ACVR1: variants seen among roughly 807,000 people sequenced by gnomAD.
ACVR1 encodes the protein activin A receptor type 1.
Under a neutral mutation model 57.1 loss-of-function variants are expected in ACVR1, and 38 were observed. The observed-to-expected ratio is 0.67, with a 90% confidence interval of 0.51 to 0.87. ACVR1 has a LOEUF of 0.87. Ranked by LOEUF, ACVR1 falls within the 40% of genes least tolerant of loss-of-function variation. The pLI is 0.00. For missense variants in ACVR1, 463 were observed against 638.2 expected, an observed-to-expected ratio of 0.73 and a Z score of 2.96; for synonymous variants, 212 against 228.1, an observed-to-expected ratio of 0.93 and a Z score of 0.63.
At chr2:157,764,176 A>C (rs1223971826) in intron 8 of ACVR1, among the ~76,000 whole-genome samples, 1 of 151,782 alleles carries the variant, frequency 6.6e-6, no homozygotes, top group Non-Finnish European at 1.5e-5. Flanking sequence ...GTAATATATG[A>C]TCACACTATA....
chr2:157,861,103 A>G (rs1689701877), intron 1 of ACVR1, among the ~76,000 whole-genome samples: 1 of 152,222 alleles, frequency 6.6e-6, no homozygotes, highest in Admixed American at 6.5e-5. Flanking sequence ...ACTCAAGAAC[A>G]TCAGTTCCCT....
At chr2:157,859,805 T>G (rs550481036) in intron 1 of ACVR1, among the ~76,000 whole-genome samples, 3 of 152,164 alleles carry the variant, frequency 2.0e-5, no homozygotes, top group African/African-American at 2.4e-5. Context: ...GTGTGGAACA[T>G]GTACAACTGG....
chr2:157,786,883 C>G (rs1686732169), intron 3 of ACVR1, among the ~76,000 whole-genome samples: 1 of 152,076 alleles, frequency 6.6e-6, no homozygotes, highest in Non-Finnish European at 1.5e-5. Context: ...TTTCCCTGGT[C>G]TTTGCTGCCA....
intron 8 of ACVR1, among the ~76,000 whole-genome samples, 182 bp from the exon 9 acceptor site, chr2:157,761,259 G>A (rs1340942282): frequency 6.6e-6 from 1 of 152,158 alleles, no homozygotes; most frequent in African/African-American, 2.4e-5. Flanking sequence ...GAGCAGAAAA[G>A]GGACTAAATG....
At chr2:157,767,118 G>A (rs1050494619) in intron 7 of ACVR1, among the ~76,000 whole-genome samples, 4 of 151,766 alleles carry the variant, frequency 2.6e-5, no homozygotes, top group East Asian at 1.9e-4. Context: ...TGCAACCACC[G>A]CCTCCTGGGT....
rs191620793 is a variant in ACVR1 at position 157,750,406 on chromosome 2, A to G, written c.1264+10474T>C. Reference sequence around the variant, plus strand: ...CCGCCACAACCACTTGTGCCCAAGGACCAGTCTTCCTGGCATCCCTATCCC... The same window carrying G: ...CCGCCACAACCACTTGTGCCCAAGGGCCAGTCTTCCTGGCATCCCTATCCC... On this transcript the variant is annotated intron_variant, in intron 9 of 10. Transcript: ENST00000434821. 3.0e-4 allele frequency among the ~76,000 whole-genome samples: 46 copies of G among 152,346 alleles called. No individual in the cohort carries two copies. The East Asian group carries it at 8.3e-3, about 27-fold the overall frequency.
rs201453468 is a variant in ACVR1, at chr2:157,780,569, G to T, written c.99C>A (p.Tyr33Ter). 3.1e-6 allele frequency: 5 copies of T among 1,613,508 alleles called. No homozygotes were observed. The highest frequency in any genetic ancestry group is 1.3e-5 in the African/African-American group (1 of 74,714). Residue 33 changes from tyrosine to a stop codon, truncating the protein, a stop_gained, in exon 4 of 11, where the codon TAC becomes TAA. Transcript: ENST00000434821. LOFTEE classifies it high-confidence loss of function. ...DEKPKVNPKL[Y>*]MCVCEGLSCG... Reference sequence around the variant, plus strand: ...AGGAGAGACCTTCACACACACACATGTAGAGTTTGGGGTTGACCTTGGGCT... The same window carrying T: ...AGGAGAGACCTTCACACACACACATTTAGAGTTTGGGGTTGACCTTGGGCT...
At chr2:157,851,108 G>T (rs1689283887) in intron 1 of ACVR1, among the ~76,000 whole-genome samples, 1 of 152,086 alleles carries the variant, frequency 6.6e-6, no homozygotes, top group Non-Finnish European at 1.5e-5. Flanking sequence ...TCCCTAAAAT[G>T]ATAGAAATGG....
At chr2:157,774,665 G>A (rs1686209596) in intron 5 of ACVR1, among the ~76,000 whole-genome samples, 1 of 152,154 alleles carries the variant, frequency 6.6e-6, no homozygotes, top group Non-Finnish European at 1.5e-5. Flanking sequence ...CGCCTGGCCA[G>A]GAAAAGTTTT....
At chr2:157,862,397 T>C (rs1176333007) in intron 1 of ACVR1, among the ~76,000 whole-genome samples, 1 of 147,052 alleles carries the variant, frequency 6.8e-6, no homozygotes, top group African/African-American at 2.6e-5. Context: ...GACAGCATAC[T>C]AGGCACAGGA....
chr2:157,821,837 T>C (rs1688171502), intron 1 of ACVR1, among the ~76,000 whole-genome samples: 1 of 152,242 alleles, frequency 6.6e-6, no homozygotes, highest in Admixed American at 6.5e-5. Context: ...TACAGTTTTC[T>C]TCAATCCAGT....
At chr2:157,858,046 A>C (rs546780833) in intron 1 of ACVR1, among the ~76,000 whole-genome samples, 1 of 152,234 alleles carries the variant, frequency 6.6e-6, no homozygotes, top group African/African-American at 2.4e-5. Flanking sequence ...ACTTAAAAAA[A>C]AAAAAGTCAC....
chr2:157,855,292 GTGTGTGTGTGTGTGTGTA>G (rs1230620337), intron 1 of ACVR1, among the ~76,000 whole-genome samples: 1 of 81,574 alleles, frequency 1.2e-5, no homozygotes, highest in East Asian at 3.7e-4. Flanking sequence ...GTGTGTGTGT[GTGTGTGTGTGTGTGTGTA>G]TATATATATA....
At chr2:157,785,629 A>G (rs2105288122) in intron 3 of ACVR1, among the ~76,000 whole-genome samples, 1 of 152,352 alleles carries the variant, frequency 6.6e-6, no homozygotes, top group East Asian at 1.9e-4. Flanking sequence ...CTCTCATTAT[A>G]AAACACTCAT....
chr2:157,785,656 AT>A (rs1192620785), intron 3 of ACVR1, among the ~76,000 whole-genome samples: 2 of 152,038 alleles, frequency 1.3e-5, no homozygotes, highest in African/African-American at 4.8e-5. Context: ...AACTCAAATC[AT>A]TTTTTTTCCT....
chr2:157,811,001 G>A (rs938082053), intron 2 of ACVR1, among the ~76,000 whole-genome samples: 19 of 152,062 alleles, frequency 1.2e-4, no homozygotes, highest in South Asian at 8.3e-4. Context: ...GATCTGTGAC[G>A]AGGCCTAGGA....
intron 9 of ACVR1, among the ~76,000 whole-genome samples, chr2:157,756,625 A>T (rs1685434269): frequency 6.6e-6 from 1 of 152,088 alleles, no homozygotes; most frequent in South Asian, 2.1e-4. Flanking sequence ...TACTTGCGCA[A>T]GAATGGCCAT....
intron 9 of ACVR1, among the ~76,000 whole-genome samples, chr2:157,746,643 C>T (rs764967905): frequency 6.6e-6 from 1 of 152,260 alleles, no homozygotes; most frequent in African/African-American, 2.4e-5. Context: ...CATTTTCTTA[C>T]CCTAGAACTA....
intron 3 of ACVR1, among the ~76,000 whole-genome samples, chr2:157,781,837 A>C (rs1486186477): frequency 6.6e-6 from 1 of 152,242 alleles, no homozygotes; most frequent in Non-Finnish European, 1.5e-5. Flanking sequence ...AACAGAGGAT[A>C]AAATGTAAAC....
Sources: allele counts gnomAD v4.1 joint callset (sites outside exome capture counted in the v4.1 genomes callset), GRCh38; gene constraint gnomAD v4.1.1; transcripts MANE v1.5; gene names NCBI Gene and HGNC (gene_info 2026-07-23, HGNC 2026-07-21).